ATP6V1G2: variants seen among roughly 807,000 people sequenced by gnomAD.
ATP6V1G2 encodes the protein ATPase H+ transporting V1 subunit G2.
In ATP6V1G2, 14 loss-of-function variants were observed where a neutral mutation model predicts 17.8. That is an observed-to-expected ratio of 0.79 (90% CI 0.52 to 1.23). The LOEUF is 1.23. Among genes scored for constraint, ATP6V1G2 ranks in the 50% most tolerant of loss-of-function variants. The pLI, the probability that ATP6V1G2 is intolerant of heterozygous loss-of-function variation, is 0.00. For missense variants in ATP6V1G2, 112 were observed against 152.2 expected (o/e 0.74, Z 1.39); for synonymous variants, 57 against 54.8 (o/e 1.04, Z -0.17).
Position 31,545,672 on chromosome 6 carries a change from A to AG in ATP6V1G2, c.184-92dup. On this transcript the variant is annotated intron_variant, in intron 2 of 2. Coordinates refer to ENST00000303892, the MANE Select transcript of ATP6V1G2 (RefSeq NM_130463.4). The surrounding 1 kb of genome is among the most constrained non-coding windows in gnomAD (Gnocchi z 4.9). ...TATGAGGGGAAAGATCCTGAAACAAAGCCTAGAAGAAAGGCCCTCTCAGAA... is the reference window on the plus strand; with the variant it reads ...TATGAGGGGAAAGATCCTGAAACAAAGGCCTAGAAGAAAGGCCCTCTCAGAA... 7.1e-7 allele frequency: 1 copy of AG among 1,407,594 alleles called. No homozygotes were observed. The allele number at this position is 1,407,594 out of a possible 1,614,324, so 87.2% of individuals were successfully genotyped here.
chr6:31,546,626 G>T (rs45539531), upstream of ATP6V1G2: 6 of 1,434,404 alleles, frequency 4.2e-6, no homozygotes, highest in Non-Finnish European at 4.9e-6. The surrounding 1 kb of genome is among the most constrained non-coding windows in gnomAD (Gnocchi z 4.1). Context: ...ACCCCCCACC[G>T]CTTACTTCTC....
At chr6:31,546,717 GTC>G (rs1196405603), upstream of ATP6V1G2, 1 of 642,386 alleles carries the variant, frequency 1.6e-6, no homozygotes, top group African/African-American at 1.8e-5. This position sits in a 1 kb window ranked among gnomAD's most constrained non-coding sequence, Gnocchi z 4.1. Context: ...TGCACCGAGT[GTC>G]TCTCCCAATC....
At position 31,545,265 on chromosome 6, in the gene ATP6V1G2, T is replaced by C; in HGVS notation, c.*143A>G. On this transcript the variant is annotated 3_prime_UTR_variant, in exon 3 of 3. Coordinates refer to ENST00000303892, the MANE Select transcript of ATP6V1G2 (RefSeq NM_130463.4). This position sits in a 1 kb window ranked among gnomAD's most constrained non-coding sequence, Gnocchi z 4.9. ...CAGATGTGAGCAGGATATTTATAAGTGTCACAGGAAAATTATTGGATCCTG... is the reference window on the plus strand; with the variant it reads ...CAGATGTGAGCAGGATATTTATAAGCGTCACAGGAAAATTATTGGATCCTG... 1 of 949,304 alleles carries C rather than the reference T, an allele frequency of 1.1e-6. No homozygotes were observed. Among genetic ancestry groups the C allele is most frequent in the Non-Finnish European group, 1.6e-6 (1 of 641,656 alleles). The allele number at this position is 949,304 out of a possible 1,614,324, so 58.8% of individuals were successfully genotyped here.
rs767635327 is a variant in ATP6V1G2 at position 31,546,464 on chromosome 6, A to G, written c.82+14T>C. 7 of 1,612,306 alleles carry G rather than the reference A, an allele frequency of 4.3e-6. No individual in the cohort carries two copies. The South Asian group carries it at 7.7e-5, about 18-fold the overall frequency. The stretch of plus-strand genomic sequence containing the variant: ...TTCTTTCCAAACTCCTAAGGGAGGA[A>G]AGAGGAGACTCACTCTTTCTGGCAT... On this transcript the variant is annotated intron_variant, in intron 1 of 2. Transcript: ENST00000303892. This position sits in a 1 kb window ranked among gnomAD's most constrained non-coding sequence, Gnocchi z 4.1.
At position 31,544,902 on chromosome 6, in the gene ATP6V1G2, GTTGC is replaced by G; in HGVS notation, c.*502_*505del. On this transcript the variant is annotated 3_prime_UTR_variant, in exon 3 of 3. Transcript: ENST00000303892. ...CAGGTGGTGGTAATAGTATCACAGG[GTTGC>G]TACTTACTGAATCACTGCTACAACA... 2.5e-6 allele frequency: 1 copy of G among 392,180 alleles called. No individual in the cohort carries two copies. The highest frequency in any genetic ancestry group is 5.0e-6 in the Non-Finnish European group (1 of 198,060). The allele number at this position is 392,180 out of a possible 1,614,324, so 24.3% of individuals were successfully genotyped here.
At chr6:31,546,732 A>G (rs921816906), upstream of ATP6V1G2, 32 of 611,734 alleles carry the variant, frequency 5.2e-5, no homozygotes, top group Non-Finnish European at 7.9e-5. This position sits in a 1 kb window ranked among gnomAD's most constrained non-coding sequence, Gnocchi z 4.1. Context: ...TCCCAATCTC[A>G]TCCTCCTATT....
rs780456888 is a variant in ATP6V1G2 at position 31,545,421 on chromosome 6, C to T, written c.344G>A (p.Arg115Gln). Residue 115 changes from arginine to glutamine, a missense_variant, in exon 3 of 3, where the codon CGG becomes CAG. Transcript: ENST00000303892. The surrounding 1 kb of genome is among the most constrained non-coding windows in gnomAD (Gnocchi z 4.9). ...CCTACGGTGGCCCTAGGCAGAAATC[C>T]GGTAGTTGGGGTGGACCTGGGGCCT... ...DVRPQVHPNY[R>Q]ISA is the part of the protein sequence containing the mutation. The T allele has an allele frequency of 1.9e-5, 30 of 1,613,658 alleles. No homozygotes were observed. The highest frequency in any genetic ancestry group is 2.3e-5 in the Non-Finnish European group (27 of 1,179,880).
At position 31,545,208 on chromosome 6, in the gene ATP6V1G2, C is replaced by A; in HGVS notation, c.*200G>T. 1.5e-6 allele frequency: 1 copy of A among 668,394 alleles called. No individual in the cohort carries two copies. The highest frequency in any genetic ancestry group is 2.5e-6 in the Non-Finnish European group (1 of 400,972). 41.4% of individuals were successfully genotyped at this position (668,394 alleles called of 1,614,324 possible). A position where few individuals can be genotyped will look rare whatever the true frequency, so the allele number is the denominator to read the frequency against. ...AGAATGACTTGGAAGTTTACAAAGT[C>A]CCAGTGAGGGTTAAAGAACAACAAG... On this transcript the variant is annotated 3_prime_UTR_variant, in exon 3 of 3. Transcript: ENST00000303892. This position sits in a 1 kb window ranked among gnomAD's most constrained non-coding sequence, Gnocchi z 4.9.
Position 31,546,452 on chromosome 6 carries a change from C to G in ATP6V1G2, c.82+26G>C. The G allele has an allele frequency of 6.2e-7, 1 of 1,607,840 alleles. No homozygotes were observed. Among genetic ancestry groups the G allele is most frequent in the Non-Finnish European group, 8.5e-7 (1 of 1,174,778 alleles). On this transcript the variant is annotated intron_variant, in intron 1 of 2. Coordinates refer to ENST00000303892, the MANE Select transcript of ATP6V1G2 (RefSeq NM_130463.4). The surrounding 1 kb of genome is among the most constrained non-coding windows in gnomAD (Gnocchi z 4.1). ...CCACCCCCAATTTTCTTTCCAAACTCCTAAGGGAGGAAAGAGGAGACTCAC... is the reference window on the plus strand; with the variant it reads ...CCACCCCCAATTTTCTTTCCAAACTGCTAAGGGAGGAAAGAGGAGACTCAC...
chr6:31,545,321 G>C lies in ATP6V1G2; in HGVS notation c.*87C>G. 1 of 1,442,222 alleles carries C rather than the reference G, an allele frequency of 6.9e-7. No individual in the cohort carries two copies. The highest frequency in any genetic ancestry group is 9.4e-7 in the Non-Finnish European group (1 of 1,065,154). 89.3% of individuals were successfully genotyped at this position (1,442,222 alleles called of 1,614,324 possible). ...CAGGATTTCTAGGGGATGGAAAGAA[G>C]ACAGGGATTATGGTGGGAGGTGATT... is the stretch of plus-strand genomic sequence containing the variant. On this transcript the variant is annotated 3_prime_UTR_variant, in exon 3 of 3. Coordinates refer to ENST00000303892, the MANE Select transcript of ATP6V1G2 (RefSeq NM_130463.4). This position sits in a 1 kb window ranked among gnomAD's most constrained non-coding sequence, Gnocchi z 4.9.
chr6:31,544,617 A>G lies in ATP6V1G2; in HGVS notation c.*791T>C, dbSNP rs775550256. The G allele has an allele frequency of 2.3e-6, 1 of 439,042 alleles. No individual in the cohort carries two copies. 27.2% of individuals were successfully genotyped at this position (439,042 alleles called of 1,614,324 possible). ...TGAGCATCTGATAAGTCTTTGGGGA[A>G]ATAGGAAAGGAGGAAAATCTAATAA... is the stretch of plus-strand genomic sequence containing the variant. On this transcript the variant is annotated 3_prime_UTR_variant, in exon 3 of 3. Transcript: ENST00000303892.
Position 31,545,005 on chromosome 6 carries a change from A to G in ATP6V1G2, c.*403T>C. The G allele has an allele frequency of 5.6e-6, 2 of 359,706 alleles. No homozygotes were observed. The highest frequency in any genetic ancestry group is 5.0e-5 in the South Asian group (2 of 39,968). 22.3% of individuals were successfully genotyped at this position (359,706 alleles called of 1,614,324 possible). A position where few individuals can be genotyped will look rare whatever the true frequency, so the allele number is the denominator to read the frequency against. On this transcript the variant is annotated 3_prime_UTR_variant, in exon 3 of 3. Coordinates refer to ENST00000303892, the MANE Select transcript of ATP6V1G2 (RefSeq NM_130463.4). The surrounding 1 kb of genome is among the most constrained non-coding windows in gnomAD (Gnocchi z 4.9). ...CAACCCTCACAAGGTAGGCATTATT[A>G]TCATCCCAGTTTCACAGAGGAGGAC...
chr6:31,545,647 T>C lies in ATP6V1G2; in HGVS notation c.184-66A>G. Reference sequence around the variant, plus strand: ...GCAGAAACAGACAAGGGTCCAGGCATATGAGGGGAAAGATCCTGAAACAAA... The same window carrying C: ...GCAGAAACAGACAAGGGTCCAGGCACATGAGGGGAAAGATCCTGAAACAAA... On this transcript the variant is annotated intron_variant, in intron 2 of 2. Coordinates refer to ENST00000303892, the MANE Select transcript of ATP6V1G2 (RefSeq NM_130463.4). The surrounding 1 kb of genome is among the most constrained non-coding windows in gnomAD (Gnocchi z 4.9). 6.6e-7 allele frequency: 1 copy of C among 1,520,498 alleles called. No individual in the cohort carries two copies. Among genetic ancestry groups the C allele is most frequent in the South Asian group, 1.2e-5 (1 of 81,972 alleles). The allele number at this position is 1,520,498 out of a possible 1,614,324, so 94.2% of individuals were successfully genotyped here. A position where few individuals can be genotyped will look rare whatever the true frequency, so the allele number is the denominator to read the frequency against.
At chr6:31,546,741 T>C, upstream of ATP6V1G2, 1 of 608,228 alleles carries the variant, frequency 1.6e-6, no homozygotes, top group Non-Finnish European at 2.9e-6. The surrounding 1 kb of genome is among the most constrained non-coding windows in gnomAD (Gnocchi z 4.1). Context: ...CATCCTCCTA[T>C]TGATGACTGG....
Position 31,545,818 on chromosome 6 carries a change from T to A in ATP6V1G2, c.184-237A>T, listed in dbSNP as rs546275235. On this transcript the variant is annotated intron_variant, in intron 2 of 2. Transcript: ENST00000303892. The surrounding 1 kb of genome is among the most constrained non-coding windows in gnomAD (Gnocchi z 4.9). Reference sequence around the variant, plus strand: ...CCGTAATATCCCCACCACCTCACCATCCATGACCATAAAACTCTACCCTCC... The same window carrying A: ...CCGTAATATCCCCACCACCTCACCAACCATGACCATAAAACTCTACCCTCC... 3.3e-6 allele frequency: 2 copies of A among 615,150 alleles called. No homozygotes were observed. Among genetic ancestry groups the A allele is most frequent in the South Asian group, 4.0e-5 (2 of 50,038 alleles). The allele number at this position is 615,150 out of a possible 1,614,324, so 38.1% of individuals were successfully genotyped here.
At position 31,544,652 on chromosome 6, in the gene ATP6V1G2, T is replaced by C; in HGVS notation, c.*756A>G. On this transcript the variant is annotated 3_prime_UTR_variant, in exon 3 of 3. Coordinates refer to ENST00000303892, the MANE Select transcript of ATP6V1G2 (RefSeq NM_130463.4). The stretch of plus-strand genomic sequence containing the variant: ...GAGGAAAATCTAATAAAGACAAAGA[T>C]CAGCAAAAGAAAAACAAAGAGAGGC... 2.2e-6 allele frequency: 1 copy of C among 451,024 alleles called. No homozygotes were observed. The highest frequency in any genetic ancestry group is 1.6e-5 in the South Asian group (1 of 63,500). The allele number at this position is 451,024 out of a possible 1,614,324, so 27.9% of individuals were successfully genotyped here.
At position 31,545,437 on chromosome 6, in the gene ATP6V1G2, C is replaced by T; in HGVS notation, c.328G>A (p.Val110Ile). The T allele has an allele frequency of 6.2e-7, 1 of 1,613,962 alleles. No homozygotes were observed. Among genetic ancestry groups the T allele is most frequent in the Non-Finnish European group, 8.5e-7 (1 of 1,179,970 alleles). ...LGMVCDVRPQ[V>I]HPNYRISA Reference sequence around the variant, plus strand: ...GCAGAAATCCGGTAGTTGGGGTGGACCTGGGGCCTGACGTCGCAGACCATG... The same window carrying T: ...GCAGAAATCCGGTAGTTGGGGTGGATCTGGGGCCTGACGTCGCAGACCATG... The change falls in exon 3 of 3, where the codon GTC becomes ATC. Residue 110 changes from valine (V) to isoleucine (I), a missense_variant. Transcript: ENST00000303892. This position sits in a 1 kb window ranked among gnomAD's most constrained non-coding sequence, Gnocchi z 4.9.
In ATP6V1G2 at chr6:31,545,500, G is replaced by A. The variant is rs1768899264; in HGVS notation, c.265C>T (p.Gln89Ter). ...GCCAGGACACGCTCTCGGTTTCTCTGCTGGGAGCTCTGCATGCCCTGCACC... is the reference window on the plus strand; with the variant it reads ...GCCAGGACACGCTCTCGGTTTCTCTACTGGGAGCTCTGCATGCCCTGCACC... Reference protein sequence around the residue: ...RQVQGMQSSQQRNRERVLAQL... With the variant: ...RQVQGMQSSQ Residue 89 changes from glutamine to a stop codon, truncating the protein, a stop_gained, in exon 3 of 3, where the codon CAG (glutamine) becomes TAG (stop). Transcript: ENST00000303892. LOFTEE classifies it high-confidence loss of function. The surrounding 1 kb of genome is among the most constrained non-coding windows in gnomAD (Gnocchi z 4.9). 1 of 1,613,918 alleles carries A rather than the reference G, an allele frequency of 6.2e-7. No homozygotes were observed.
Position 31,546,251 on chromosome 6 carries a change from A to C in ATP6V1G2, c.83-42T>G, listed in dbSNP as rs1177758874. 1.3e-6 allele frequency: 2 copies of C among 1,536,312 alleles called. No individual in the cohort carries two copies. Among genetic ancestry groups the C allele is most frequent in the Non-Finnish European group, 1.8e-6 (2 of 1,110,660 alleles). ...GGACAGTGAGTGGGGATGGACCCACACACACACAATGTAATAGCAGGAGTC... is the reference window on the plus strand; with the variant it reads ...GGACAGTGAGTGGGGATGGACCCACCCACACACAATGTAATAGCAGGAGTC... On this transcript the variant is annotated intron_variant, in intron 1 of 2. Transcript: ENST00000303892. The surrounding 1 kb of genome is among the most constrained non-coding windows in gnomAD (Gnocchi z 4.1).
Sources: gnomAD v4.1 joint callset for allele counts on GRCh38, gnomAD v4.1.1 for gene constraint, Gnocchi (gnomAD v3.1) non-coding constraint, MANE v1.5 for transcripts, NCBI Gene and HGNC (gene_info 2026-07-23, HGNC 2026-07-21) for gene names.